ZZEF1: variants seen among roughly 807,000 people sequenced by gnomAD.
ZZEF1 encodes zinc finger ZZ-type and EF-hand domain-containing protein 1.
Under a neutral mutation model 342.8 loss-of-function variants are expected in ZZEF1, and 157 were observed. The observed-to-expected ratio is 0.46, with a 90% CI of 0.40 to 0.52. ZZEF1 has a LOEUF of 0.52. ZZEF1 is among the 20% of genes least tolerant of loss of function. The probability of loss-of-function intolerance (pLI) is 0.00; values close to 1 mark genes in which losing one functional copy is unlikely to be tolerated. For synonymous variants in ZZEF1, 1,505 were observed against 1,429.1 expected, an observed-to-expected ratio of 1.05 and a Z score of -1.20; for missense variants, 3,480 against 3,725.6, an observed-to-expected ratio of 0.93 and a Z score of 1.72.
At chr17:4,130,311 G>A (rs2058643279) in intron 1 of ZZEF1, among the ~76,000 whole-genome samples, 1 of 151,982 alleles carries the variant, frequency 6.6e-6, no homozygotes, top group Non-Finnish European at 1.5e-5. Flanking sequence ...AAATTAGCCG[G>A]GCGTGGTGGT....
rs71144154 is a variant in ZZEF1, at chr17:4,023,656, C to CAAAAAAAA, written c.7093-836_7093-829dup. Among the ~76,000 whole-genome samples, 81 of 71,446 alleles carry CAAAAAAAA rather than the reference C, an allele frequency of 1.1e-3. 7 individuals are homozygous for CAAAAAAAA. Among genetic ancestry groups the CAAAAAAAA allele is most frequent in the African/African-American group, 3.6e-3 (74 of 20,296 alleles). The allele number at this position is 71,446 out of a possible 152,430, so 46.9% of individuals were successfully genotyped here. On this transcript the variant is annotated intron_variant, in intron 43 of 54. Coordinates refer to ENST00000381638, the MANE Select transcript of ZZEF1 (RefSeq NM_015113.4). ...GAAACTTAGCAAGACCCTGTCTCTC[C>CAAAAAAAA]AAAAAAAAAAAAAAAAAAAAAATTA...
intron 38 of ZZEF1, among the ~76,000 whole-genome samples, chr17:4,043,070 T>G (rs1292115406): frequency 1.3e-5 from 2 of 152,196 alleles, no homozygotes; most frequent in Non-Finnish European, 2.9e-5. Flanking sequence ...CCTGTTTAAA[T>G]GAAAGACTGT....
intron 44 of ZZEF1, 106 bp downstream of exon 44, chr17:4,022,603 G>GT: frequency 6.5e-7 from 1 of 1,530,660 alleles, no homozygotes. Context: ...CTGTACTAAA[G>GT]GAGTGTGCAC....
At chr17:4,078,155 G>T in intron 18 of ZZEF1, 113 bp from the exon 19 acceptor site, 1 of 1,130,238 alleles carries the variant, frequency 8.8e-7, no homozygotes, top group Non-Finnish European at 1.2e-6. Flanking sequence ...CTATAGCCAC[G>T]GAAAAGTCAT....
At chr17:4,070,952 T>C in intron 25 of ZZEF1, 28 bp from the exon 26 acceptor site, 1 of 1,594,694 alleles carries the variant, frequency 6.3e-7, no homozygotes. Flanking sequence ...ACCCATCACA[T>C]TTAACACATT....
At chr17:4,013,366 C>T (rs2056015241) in intron 52 of ZZEF1, 83 bp downstream of exon 52, 1 of 1,320,390 alleles carries the variant, frequency 7.6e-7, no homozygotes, top group African/African-American at 1.5e-5. Context: ...TCATCAAAGT[C>T]ACCACTAACA....
Position 4,057,564 on chromosome 17 carries a change from G to A in ZZEF1, c.5165+430C>T, listed in dbSNP as rs1182952185. On this transcript the variant is annotated intron_variant, in intron 32 of 54. Transcript: ENST00000381638. Reference sequence around the variant, plus strand: ...CTGAGGTCCTTATAATGTGCAAGAAGTTAGAGTGGCTAACATAACATATAC... The same window carrying A: ...CTGAGGTCCTTATAATGTGCAAGAAATTAGAGTGGCTAACATAACATATAC... Among the ~76,000 whole-genome samples the A allele has an allele frequency of 2.0e-5, 3 of 152,152 alleles. No homozygotes were observed. In the East Asian group the frequency reaches 5.8e-4, roughly 29 times the overall value.
In ZZEF1 at chr17:4,021,133, A is replaced by T. The variant is rs746974036; in HGVS notation, c.7400T>A (p.Phe2467Tyr). ...CAAGATGACTCAAGAACACACCAAG[A>T]AACATATTCTGGTGGGCTCATCCAG... is the stretch of plus-strand genomic sequence containing the variant. ...EGLDEPTRIC[F>Y]LMAHDALNAP... Residue 2467 changes from phenylalanine to tyrosine, a missense_variant, in exon 45 of 55, where the codon TTC becomes TAC. Physicochemically the swap from Phe to Tyr is conservative, Grantham distance 22. This residue lies in a region of ZZEF1 where 1,269 missense variants were observed against 1,342.4 expected (regional missense o/e 0.95). Coordinates refer to ENST00000381638, the MANE Select transcript of ZZEF1 (RefSeq NM_015113.4). 1.2e-6 allele frequency: 2 copies of T among 1,610,100 alleles called. No individual in the cohort carries two copies. Among genetic ancestry groups the T allele is most frequent in the Non-Finnish European group, 1.7e-6 (2 of 1,178,108 alleles).
intron 37 of ZZEF1, among the ~76,000 whole-genome samples, chr17:4,049,360 A>C (rs917017365): frequency 2.0e-5 from 3 of 151,978 alleles, no homozygotes; most frequent in African/African-American, 7.3e-5. Context: ...AAAAATACAA[A>C]AATTAGCCAG....
intron 11 of ZZEF1, among the ~76,000 whole-genome samples, chr17:4,092,342 A>C (rs1597879960): frequency 1.7e-5 from 2 of 118,858 alleles, no homozygotes; most frequent in East Asian, 2.8e-4. Flanking sequence ...TCTGTCGCCC[A>C]GGCTGCAATG....
At chr17:4,108,979 G>C (rs1450688120) in intron 6 of ZZEF1, among the ~76,000 whole-genome samples, 1 of 152,120 alleles carries the variant, frequency 6.6e-6, no homozygotes, top group East Asian at 1.9e-4. Context: ...ATCAGTTACT[G>C]AATCTGCACA....
intron 5 of ZZEF1, among the ~76,000 whole-genome samples, chr17:4,111,577 T>C (rs1174778440): frequency 6.7e-6 from 1 of 150,208 alleles, no homozygotes; most frequent in African/African-American, 2.5e-5. Flanking sequence ...GAGAATTGCG[T>C]GAACCCCGGA....
intron 52 of ZZEF1, among the ~76,000 whole-genome samples, chr17:4,011,733 G>A (rs1307187694): frequency 1.3e-5 from 2 of 151,962 alleles, no homozygotes; most frequent in Non-Finnish European, 1.5e-5. Flanking sequence ...CTTATGACTT[G>A]AAAAATTATT....
chr17:4,124,578 G>T (rs540983894), intron 1 of ZZEF1, among the ~76,000 whole-genome samples: 1 of 151,588 alleles, frequency 6.6e-6, no homozygotes, highest in Non-Finnish European at 1.5e-5. Flanking sequence ...GAGTAGCTGG[G>T]ACTACAGGCG....
At chr17:4,110,365 G>A (rs2058276185) in intron 5 of ZZEF1, among the ~76,000 whole-genome samples, 1 of 152,130 alleles carries the variant, frequency 6.6e-6, no homozygotes, top group Non-Finnish European at 1.5e-5. Flanking sequence ...AGGAGAGAAG[G>A]TAAGAATTTA....
chr17:4,066,504 T>TG lies in ZZEF1; in HGVS notation c.4191_4192insC (p.Asn1398GlnfsTer2). 3 of 1,614,134 alleles carry TG rather than the reference T, an allele frequency of 1.9e-6. No individual in the cohort carries two copies. The highest frequency in any genetic ancestry group is 2.5e-6 in the Non-Finnish European group (3 of 1,180,030). On this transcript the variant is annotated frameshift_variant, in exon 28 of 55. Coordinates refer to ENST00000381638, the MANE Select transcript of ZZEF1 (RefSeq NM_015113.4). LOFTEE classifies it high-confidence loss of function. ...GAACTATGTTTTTCTTCTGCTTCAT[T>TG]CCCCAGGCTCATCAGGGACTTCTGC...
At position 4,017,929 on chromosome 17, in the gene ZZEF1, G is replaced by A. The variant is rs1469895021; in HGVS notation, c.7548C>T (p.Ser2516=). 2 of 1,614,046 alleles carry A rather than the reference G, an allele frequency of 1.2e-6. No individual in the cohort carries two copies. Among genetic ancestry groups the A allele is most frequent in the Non-Finnish European group, 8.5e-7 (1 of 1,180,038 alleles). The change falls in exon 47 of 55, where the codon TCC becomes TCT. Residue 2516 remains serine, a synonymous_variant. Coordinates refer to ENST00000381638, the MANE Select transcript of ZZEF1 (RefSeq NM_015113.4). This position sits in a 1 kb window ranked among gnomAD's most constrained non-coding sequence, Gnocchi z 5.1. ...TACTGGGCTGCCACCGCTGAGCCAG[G>A]GACCGTATCCTTTCATCTGTGGTGA... is the stretch of plus-strand genomic sequence containing the variant. ...DELTTDERIR[S]LAQRWQPSKS...
chr17:4,093,148 G>A (rs1684968254), intron 11 of ZZEF1, among the ~76,000 whole-genome samples: 1 of 152,036 alleles, frequency 6.6e-6, no homozygotes, highest in African/African-American at 2.4e-5. Context: ...AAATCATCCT[G>A]TATAAGATGT....
rs1369179191 is a variant in ZZEF1 at position 4,034,209 on chromosome 17, A to C, written c.6390T>G (p.Asn2130Lys). The change falls in exon 40 of 55, where the codon AAT becomes AAG. Residue 2130 changes from asparagine to lysine, a missense_variant. Physicochemically the swap from Asn to Lys is moderately conservative, Grantham distance 94 (BLOSUM62 0). Coordinates refer to ENST00000381638, the MANE Select transcript of ZZEF1 (RefSeq NM_015113.4). The stretch of plus-strand genomic sequence containing the variant: ...GACCCAGGGTGAGATGGTAGGTTTC[A>C]TTCAGGTGGCCTGCGTTTGAGATGA... ...QVVISNAGHL[N>K]ETYHLTLGLL... 1.2e-6 allele frequency: 2 copies of C among 1,614,084 alleles called. No individual in the cohort carries two copies. Among genetic ancestry groups the C allele is most frequent in the African/African-American group, 2.7e-5 (2 of 74,918 alleles).
Sources: gnomAD v4.1 joint callset for allele counts (sites outside exome capture counted in the v4.1 genomes callset) on GRCh38, gnomAD v4.1.1 for gene constraint, gnomAD v4.1.1 regional missense constraint, Gnocchi (gnomAD v3.1) non-coding constraint, MANE v1.5 for transcripts, NCBI Gene and HGNC (gene_info 2026-07-23, HGNC 2026-07-21) for gene names.